Variants in LOXHD1 observed in about 807,000 individuals in gnomAD.
LOXHD1 encodes lipoxygenase homology PLAT domains 1.
Under a neutral mutation model 248.2 loss-of-function variants are expected in LOXHD1, and 205 were observed. The ratio of observed to expected loss-of-function variants is 0.83; its 90% CI spans 0.74 to 0.93. The LOEUF (loss-of-function observed/expected upper bound fraction) is 0.93. LOXHD1 is among the 40% of genes least tolerant of loss of function. The probability of loss-of-function intolerance (pLI) is 0.00; values close to 1 mark genes in which losing one functional copy is unlikely to be tolerated. For missense variants in LOXHD1, 2,930 were observed against 2,971.6 expected (o/e 0.99, Z 0.33); for synonymous variants, 1,113 against 1,162.8 (o/e 0.96, Z 0.87).
In LOXHD1 at chr18:46,477,506, C is replaced by T. The variant is rs1467220883; in HGVS notation, c.6788G>A (p.Gly2263Glu). ...GRWLDKKRGD[G>E]LTWRDLFPSV ...AGGGAAGAGGTCTCTCCAGGTGAGT[C>T]CATCCCCCCGCTTCTTGTCCAGCCA... is the stretch of plus-strand genomic sequence containing the variant. The change falls in exon 41 of 41, where the codon GGA becomes GAA. Residue 2263 changes from glycine to glutamate, a missense_variant. Transcript: ENST00000642948. 2 of 1,550,426 alleles carry T rather than the reference C, an allele frequency of 1.3e-6. No individual in the cohort carries two copies. The highest frequency in any genetic ancestry group is 2.7e-5 in the African/African-American group (2 of 73,028).
intron 34 of LOXHD1, among the ~76,000 whole-genome samples, chr18:46,511,298 C>A (rs1288974698): frequency 6.6e-6 from 1 of 152,186 alleles, no homozygotes; most frequent in Non-Finnish European, 1.5e-5. Flanking sequence ...TCCAGGTGCC[C>A]CAGACCCCCT....
At position 46,569,591 on chromosome 18, in the gene LOXHD1, T is replaced by C. The variant is rs1248816660; in HGVS notation, c.2095A>G (p.Ser699Gly). The C allele has an allele frequency of 1.3e-6, 2 of 1,551,782 alleles. No homozygotes were observed. The highest frequency in any genetic ancestry group is 1.7e-6 in the Non-Finnish European group (2 of 1,147,000). The stretch of plus-strand genomic sequence containing the variant: ...TTGATGTAGACTCTAGAATCCGTGC[T>C]GGCCCCAGAGACATCCCCAGTCTTC... ...SLKTGDVSGA[S>G]TDSRVYIKLY... Residue 699 changes from serine (S) to glycine (G), a missense_variant, in exon 16 of 41, where the codon AGC becomes GGC. Transcript: ENST00000642948.
chr18:46,544,865 T>C (rs1256586220), intron 23 of LOXHD1: 1 of 471,992 alleles, frequency 2.1e-6, no homozygotes, highest in East Asian at 6.9e-5. Context: ...AGCAAATATA[T>C]GATGACTACT....
intron 40 of LOXHD1, among the ~76,000 whole-genome samples, chr18:46,483,161 T>G (rs1373090240): frequency 6.6e-6 from 1 of 152,212 alleles, no homozygotes; most frequent in Non-Finnish European, 1.5e-5. Flanking sequence ...CTAGCTTGTC[T>G]CTGGTCCCTA....
intron 40 of LOXHD1, among the ~76,000 whole-genome samples, chr18:46,480,895 C>T (rs1311227771): frequency 6.6e-6 from 1 of 152,056 alleles, no homozygotes; most frequent in African/African-American, 2.4e-5. Context: ...AGATATGCTA[C>T]CGGGATAAAC....
rs1163805403 is a variant in LOXHD1, at chr18:46,560,242, C to CCTCCTCTGACGAGGA, written c.2887_2901dup (p.Ser963_Glu967dup). The CCTCCTCTGACGAGGA allele has an allele frequency of 2.6e-6, 4 of 1,551,892 alleles. No homozygotes were observed. In the African/African-American group the frequency reaches 5.5e-5, roughly 21 times the overall value. ...TCTTCCTCCTCTTCTTCCATCTCCT[C>CCTCCTCTGACGAGGA]CTCCTCTGACGAGGACTCCTCTGAT... On this transcript the variant is annotated inframe_insertion, in exon 19 of 41. Transcript: ENST00000642948.
At chr18:46,513,211 G>A (rs2035067498) in intron 34 of LOXHD1, among the ~76,000 whole-genome samples, 1 of 152,204 alleles carries the variant, frequency 6.6e-6, no homozygotes, top group Admixed American at 6.5e-5. Context: ...GTATGTTCAT[G>A]ATAAAATGTT....
intron 12 of LOXHD1, among the ~76,000 whole-genome samples, chr18:46,589,484 G>T (rs987969623): frequency 2.0e-5 from 3 of 152,202 alleles, no homozygotes; most frequent in Non-Finnish European, 4.4e-5. Context: ...CAGGATGCAG[G>T]TGAGTGGACA....
At chr18:46,600,678 C>G (rs1405343850) in intron 8 of LOXHD1, among the ~76,000 whole-genome samples, 1 of 151,964 alleles carries the variant, frequency 6.6e-6, no homozygotes, top group Non-Finnish European at 1.5e-5. Context: ...CAAGCTTATA[C>G]ATAGACAAAA....
intron 12 of LOXHD1, among the ~76,000 whole-genome samples, chr18:46,582,023 T>C (rs1435586669): frequency 1.3e-5 from 2 of 152,338 alleles, no homozygotes; most frequent in South Asian, 4.1e-4. Context: ...CTAGCATATC[T>C]GTCAAGAAAT....
rs1415756602 is a variant in LOXHD1 at position 46,483,739 on chromosome 18, G to C, written c.6189C>G (p.Thr2063=). 6.5e-7 allele frequency: 1 copy of C among 1,543,420 alleles called. No homozygotes were observed. The highest frequency in any genetic ancestry group is 8.8e-7 in the Non-Finnish European group (1 of 1,141,448). The change falls in exon 40 of 41, where the codon ACC becomes ACG. Residue 2063 remains threonine, a synonymous_variant. Transcript: ENST00000642948. The stretch of plus-strand genomic sequence containing the variant: ...TGCTGTCAAACTCAAACGTGTCTGT[G>C]GTCCCCCTGCAGGAAACAAAAGTGT... The part of the protein sequence containing the change: ...SSRQRAFRKG[T]TDTFEFDSIY...
rs914208963 is a variant in LOXHD1 at position 46,484,919 on chromosome 18, C to T, written c.6182+100G>A. 9 of 1,411,152 alleles carry T rather than the reference C, an allele frequency of 6.4e-6. No homozygotes were observed. In the Admixed American group the frequency reaches 1.1e-4, roughly 17 times the overall value. 87.4% of individuals were successfully genotyped at this position (1,411,152 alleles called of 1,614,324 possible). ...GCTCAGTAAGTACTTGCTGGTTAGG[C>T]CCATTTGTGTACCTATGGCTCCCAC... On this transcript the variant is annotated intron_variant, in intron 39 of 40. Transcript: ENST00000642948.
chr18:46,484,939 T>C, intron 39 of LOXHD1, 80 bp downstream of exon 39: 1 of 1,503,610 alleles, frequency 6.7e-7, no homozygotes, highest in Non-Finnish European at 9.0e-7. Flanking sequence ...TACCTATGGC[T>C]CCCACCCAAG....
rs1472588957 is a variant in LOXHD1 at position 46,518,160 on chromosome 18, C to T, written c.5368G>A (p.Glu1790Lys). The change falls in exon 34 of 41, where the codon GAG (glutamate) becomes AAG (lysine). Residue 1790 changes from glutamate to lysine, a missense_variant. Physicochemically the swap from Glu to Lys is moderately conservative, Grantham distance 56. Transcript: ENST00000642948. ...MTLYGINGST[E>K]EMQLDKKKAR... ...TTCTTTTTGTCCAGCTGCATCTCCT[C>T]TGTGCTCCCGTTGATGCCGTAGAGG... is the stretch of plus-strand genomic sequence containing the variant. 9.7e-6 allele frequency: 15 copies of T among 1,551,610 alleles called. No homozygotes were observed. Among genetic ancestry groups the T allele is most frequent in the Non-Finnish European group, 1.3e-5 (15 of 1,147,014 alleles).
At chr18:46,516,468 T>C (rs2035253515) in intron 34 of LOXHD1, among the ~76,000 whole-genome samples, 1 of 152,180 alleles carries the variant, frequency 6.6e-6, no homozygotes, top group Non-Finnish European at 1.5e-5. Context: ...ATGAGCTGCA[T>C]AGGGCCCATA....
chr18:46,647,217 C>A (rs915525906), intron 2 of LOXHD1, among the ~76,000 whole-genome samples: 1 of 152,158 alleles, frequency 6.6e-6, no homozygotes, highest in Non-Finnish European at 1.5e-5. Flanking sequence ...GAGGTCCCAG[C>A]CCTGCCAGCT....
At position 46,594,604 on chromosome 18, in the gene LOXHD1, T is replaced by C. The variant is rs576253708; in HGVS notation, c.1135-138A>G. ...AAGGAATGGCACCTTTTCTGTTGCC[T>C]ATCTCATTAAATCTTAAATCAAGAA... On this transcript the variant is annotated intron_variant, in intron 8 of 40. Transcript: ENST00000642948. The C allele has an allele frequency of 1.3e-5, 13 of 1,020,714 alleles. No individual in the cohort carries two copies. The Admixed American group carries it at 3.4e-4, about 27-fold the overall frequency. The allele number at this position is 1,020,714 out of a possible 1,614,324, so 63.2% of individuals were successfully genotyped here.
At chr18:46,536,731 G>T (rs2036327800) in intron 26 of LOXHD1, among the ~76,000 whole-genome samples, 1 of 152,200 alleles carries the variant, frequency 6.6e-6, no homozygotes, top group African/African-American at 2.4e-5. Context: ...AAAAGACTCA[G>T]CAAAGGTGAC....
Position 46,546,881 on chromosome 18 carries a change from C to A in LOXHD1, c.3514+14G>T. 1 of 1,546,544 alleles carries A rather than the reference C, an allele frequency of 6.5e-7. No individual in the cohort carries two copies. Among genetic ancestry groups the A allele is most frequent in the Non-Finnish European group, 8.8e-7 (1 of 1,142,832 alleles). ...GGGGTGCTGGAGAAAGAAATCAGCT[C>A]TAGTTTAGAAAACCTTTCTGCTCCA... On this transcript the variant is annotated intron_variant, in intron 22 of 40. Coordinates refer to ENST00000642948, the MANE Select transcript of LOXHD1 (RefSeq NM_001384474.1).
Sources: allele counts gnomAD v4.1 joint callset (sites outside exome capture counted in the v4.1 genomes callset), GRCh38; gene constraint gnomAD v4.1.1; transcripts MANE v1.5; gene names NCBI Gene and HGNC (gene_info 2026-07-23, HGNC 2026-07-21).